The following PHF20 variants were observed in gnomAD, a reference collection of about 807,000 sequenced individuals.
PHF20 encodes PHD finger protein 20, also known as glioma-expressed antigen 2.
PHF20 carries 23 observed loss-of-function variants against 113.5 expected under a neutral mutation model. That is an observed-to-expected ratio of 0.20 (90% CI 0.15 to 0.29). The LOEUF is 0.29. Among genes scored for constraint, PHF20 ranks in the 10% least tolerant of loss-of-function variants. The pLI, the probability that PHF20 is intolerant of heterozygous loss-of-function variation, is 1.00. For missense variants in PHF20, 943 were observed against 1,219.6 expected (o/e 0.77, Z 3.38); for synonymous variants, 434 against 457.3 (o/e 0.95, Z 0.65).
At chr20:35,858,488 C>G (rs960495530) in intron 5 of PHF20, 107 bp downstream of exon 5, 1 of 598,668 alleles carries the variant, frequency 1.7e-6, no homozygotes, top group Middle Eastern at 2.8e-4. Flanking sequence ...GTGTTTATTT[C>G]CTCCATCTGA....
rs1262327721 is a variant in PHF20, at chr20:35,858,312, T to C, written c.351T>C (p.Thr117=). Residue 117 remains threonine (T), a synonymous_variant, in exon 5 of 18, where the codon ACT becomes ACC. Transcript: ENST00000374012. ...CTTCTTGAATTTTAGGTACTTACACTGTGAAATTTTATGATGGAGTAGTTC... is the reference window on the plus strand; with the variant it reads ...CTTCTTGAATTTTAGGTACTTACACCGTGAAATTTTATGATGGAGTAGTTC... The part of the protein sequence containing the change: ...VTAVNKDGTY[T]VKFYDGVVQT... The C allele has an allele frequency of 3.2e-6, 5 of 1,554,536 alleles. No individual in the cohort carries two copies. The highest frequency in any genetic ancestry group is 4.4e-6 in the Non-Finnish European group (5 of 1,128,846).
chr20:35,773,263 G>A (rs978385054), intron 1 of PHF20, among the ~76,000 whole-genome samples: 1 of 152,078 alleles, frequency 6.6e-6, no homozygotes, highest in South Asian at 2.1e-4. Flanking sequence ...TCCAGGTGGC[G>A]AGTGGTCTGT....
At chr20:35,923,245 A>G (rs1247610842) in intron 13 of PHF20, among the ~76,000 whole-genome samples, 3 of 152,220 alleles carry the variant, frequency 2.0e-5, no homozygotes, top group African/African-American at 7.2e-5. Context: ...CTACAACAAC[A>G]AGTATTAATA....
At chr20:35,892,345 G>A (rs11696789) in intron 9 of PHF20, among the ~76,000 whole-genome samples, 4,385 of 151,206 alleles carry the variant, frequency 0.029, 102 homozygotes, top group Middle Eastern at 0.071. Context: ...AAAGTGCTAG[G>A]ATTACAGGCG....
At chr20:35,906,084 C>T (rs773495959) in intron 10 of PHF20, among the ~76,000 whole-genome samples, 17 of 152,178 alleles carry the variant, frequency 1.1e-4, no homozygotes, top group Non-Finnish European at 1.6e-4. Flanking sequence ...TCAAAGAGGG[C>T]CTCTCCTGTG....
At chr20:35,913,112 GCCTCCAGACT>G in intron 10 of PHF20, 127 bp from the exon 11 acceptor site, 1 of 525,622 alleles carries the variant, frequency 1.9e-6, no homozygotes, top group East Asian at 4.0e-5. Context: ...GCGTGGCTCT[GCCTCCAGACT>G]GGAGCAATCT....
rs73618549 is a variant in PHF20 at position 35,920,186 on chromosome 20, T to C, written c.2004+2524T>C. Among the ~76,000 whole-genome samples, 46 of 152,358 alleles carry C rather than the reference T, an allele frequency of 3.0e-4. No individual in the cohort carries two copies. In the East Asian group the frequency reaches 7.5e-3, roughly 25 times the overall value. On this transcript the variant is annotated intron_variant, in intron 13 of 17. Coordinates refer to ENST00000374012, the MANE Select transcript of PHF20 (RefSeq NM_016436.5). The stretch of plus-strand genomic sequence containing the variant: ...AAACTGTTTCAACTGTCTATAATTA[T>C]GTAATTTATGATTCTTGGTTAATGG...
intron 17 of PHF20, 44 bp from the exon 18 acceptor site, chr20:35,947,441 G>C: frequency 6.3e-7 from 1 of 1,595,630 alleles, no homozygotes; most frequent in Non-Finnish European, 8.6e-7. Flanking sequence ...TGCAAATCAA[G>C]TGTTGGGAGT....
intron 1 of PHF20, among the ~76,000 whole-genome samples, chr20:35,777,553 C>A (rs191492131): frequency 5.9e-5 from 9 of 152,334 alleles, no homozygotes; most frequent in Non-Finnish European, 8.8e-5. Flanking sequence ...CAGTGGCTTA[C>A]GCCTGTAATC....
intron 15 of PHF20, among the ~76,000 whole-genome samples, chr20:35,938,447 G>A (rs1176511821): frequency 1.3e-5 from 2 of 152,124 alleles, no homozygotes; most frequent in African/African-American, 4.8e-5. Context: ...TCCCAGAGTT[G>A]AAATCCAGTC....
chr20:35,880,534 TAAA>T (rs1395815970), intron 9 of PHF20, among the ~76,000 whole-genome samples: 1 of 152,188 alleles, frequency 6.6e-6, no homozygotes, highest in Non-Finnish European at 1.5e-5. Context: ...GCATATATTT[TAAA>T]GAAGTTTTTA....
chr20:35,788,437 G>A (rs1406674123), intron 1 of PHF20, among the ~76,000 whole-genome samples: 1 of 151,828 alleles, frequency 6.6e-6, no homozygotes, highest in East Asian at 1.9e-4. Flanking sequence ...TCACTATGTT[G>A]CCCAGGCTGG....
At chr20:35,857,057 T>G (rs940420122) in intron 4 of PHF20, among the ~76,000 whole-genome samples, 1 of 152,102 alleles carries the variant, frequency 6.6e-6, no homozygotes, top group Non-Finnish European at 1.5e-5. Flanking sequence ...GTTGTTGCAT[T>G]CTTCGGCTCC....
At chr20:35,896,116 T>C (rs888011313) in intron 9 of PHF20, among the ~76,000 whole-genome samples, 3 of 151,620 alleles carry the variant, frequency 2.0e-5, no homozygotes, top group Non-Finnish European at 4.4e-5. Flanking sequence ...TGTGTGTGTA[T>C]AGGTTTTTGT....
At chr20:35,792,038 G>A (rs1004005928) in intron 1 of PHF20, among the ~76,000 whole-genome samples, 7 of 152,116 alleles carry the variant, frequency 4.6e-5, no homozygotes, top group Admixed American at 2.0e-4. Flanking sequence ...TGATTTAATC[G>A]ACTCATTCTC....
rs1406753049 is a variant in PHF20 at position 35,914,062 on chromosome 20, A to G, written c.1690A>G (p.Thr564Ala). 6.2e-7 allele frequency: 1 copy of G among 1,613,846 alleles called. No individual in the cohort carries two copies. The highest frequency in any genetic ancestry group is 8.5e-7 in the Non-Finnish European group (1 of 1,180,004). The change falls in exon 12 of 18, where the codon ACC becomes GCC. Residue 564 changes from threonine (T) to alanine (A), a missense_variant. Physicochemically the swap from Thr to Ala is moderately conservative, Grantham distance 58 (BLOSUM62 0). This residue lies in a region of PHF20 where 592 missense variants were observed against 787.2 expected (regional missense o/e 0.75). Coordinates refer to ENST00000374012, the MANE Select transcript of PHF20 (RefSeq NM_016436.5). ...CCCCTGCAGTGAGGAGATCAGTGAC[A>G]CCTCCCAGGAACCTTCTCCACCCAA... ...ECPCSEEISDTSQEPSPPKAF... is the reference protein window; with the variant it reads ...ECPCSEEISDASQEPSPPKAF...
intron 1 of PHF20, 83 bp from the exon 2 acceptor site, chr20:35,801,408 C>T (rs1238905933): frequency 1.5e-6 from 1 of 655,556 alleles, no homozygotes; most frequent in Non-Finnish European, 2.7e-6. Context: ...TGAATAATGC[C>T]TGTTTTTTTA....
At position 35,881,070 on chromosome 20, in the gene PHF20, T is replaced by TTTTTTTTTC. The variant is rs1491351439; in HGVS notation, c.1282+9241_1282+9242insTTTTTTTTC. ...TACCTTTTTTTTTTTTTTTTTTTTT[T>TTTTTTTTTC]CTGAGACGGAGTTTCTCGCTCTTGT... On this transcript the variant is annotated intron_variant, in intron 9 of 17. Transcript: ENST00000374012. Among the ~76,000 whole-genome samples, 591 of 145,210 alleles carry TTTTTTTTTC rather than the reference T, an allele frequency of 4.1e-3. 14 individuals are homozygous for TTTTTTTTTC. Among genetic ancestry groups the TTTTTTTTTC allele is most frequent in the East Asian group, 0.02 (96 of 4,836 alleles).
intron 6 of PHF20, among the ~76,000 whole-genome samples, chr20:35,865,502 T>G (rs1028018763): frequency 3.6e-4 from 39 of 108,928 alleles, no homozygotes; most frequent in Non-Finnish European, 4.0e-5. Context: ...GTTGTGTTTT[T>G]TTTTTTTTTT....
Sources: gnomAD v4.1 joint callset for allele counts (sites outside exome capture counted in the v4.1 genomes callset) on GRCh38, gnomAD v4.1.1 for gene constraint, gnomAD v4.1.1 regional missense constraint, MANE v1.5 for transcripts, NCBI Gene and HGNC (gene_info 2026-07-23, HGNC 2026-07-21) for gene names.